The following SPMIP4 variants were observed in gnomAD, a reference collection of about 807,000 sequenced individuals.
SPMIP4 encodes the protein sperm microtubule inner protein 4.
At chr7:25,162,749 G>T in the SPMIP4 span, among the ~76,000 whole-genome samples, 1 of 147,636 alleles carries the variant, frequency 6.8e-6, no homozygotes, top group Non-Finnish European at 1.5e-5. Flanking sequence ...GACCCACTTA[G>T]GATTTGGCAT....
chr7:25,140,474 G>T, the SPMIP4 span, among the ~76,000 whole-genome samples: 2 of 152,176 alleles, frequency 1.3e-5, no homozygotes, highest in Admixed American at 6.5e-5. Flanking sequence ...GTTAATTTTT[G>T]TATTTTTAGT....
chr7:25,153,663 G>T, the SPMIP4 span, among the ~76,000 whole-genome samples: 1 of 152,248 alleles, frequency 6.6e-6, no homozygotes, highest in East Asian at 1.9e-4. Flanking sequence ...CTGAATTCAG[G>T]ATTGAGAAAA....
At chr7:25,176,330 A>G in the SPMIP4 span, among the ~76,000 whole-genome samples, 213 of 152,310 alleles carry the variant, frequency 1.4e-3, no homozygotes, top group African/African-American at 5.1e-3. This position sits in a 1 kb window ranked among gnomAD's most constrained non-coding sequence, Gnocchi z 4.4. Flanking sequence ...AAAACCTCAC[A>G]TTGCTGTTTT....
the SPMIP4 span, among the ~76,000 whole-genome samples, chr7:25,170,261 A>G: frequency 6.6e-6 from 1 of 152,176 alleles, no homozygotes; most frequent in East Asian, 1.9e-4. Context: ...AGTGGTATCT[A>G]ATTGTAGTTT....
the SPMIP4 span, chr7:25,134,692 T>G: frequency 2.0e-6 from 2 of 985,756 alleles, no homozygotes; most frequent in Non-Finnish European, 2.4e-6. Flanking sequence ...AAACCTCAAA[T>G]TTTTATACTG....
At chr7:25,138,966 G>T in the SPMIP4 span, among the ~76,000 whole-genome samples, 2 of 152,176 alleles carry the variant, frequency 1.3e-5, no homozygotes, top group Non-Finnish European at 2.9e-5. This position sits in a 1 kb window ranked among gnomAD's most constrained non-coding sequence, Gnocchi z 6.2. Flanking sequence ...TGTATTTAAA[G>T]TGCTATTAAT....
the SPMIP4 span, among the ~76,000 whole-genome samples, chr7:25,140,656 T>G: frequency 6.6e-6 from 1 of 150,636 alleles, no homozygotes; most frequent in African/African-American, 2.5e-5. Flanking sequence ...GATCTTGGCT[T>G]GCTGCAACCT....
chr7:25,129,345 C>T, the SPMIP4 span, among the ~76,000 whole-genome samples: 1 of 152,220 alleles, frequency 6.6e-6, no homozygotes, highest in African/African-American at 2.4e-5. Flanking sequence ...CTAGCTAGGG[C>T]TCATCTACAT....
the SPMIP4 span, among the ~76,000 whole-genome samples, chr7:25,153,563 C>CAAAAA: frequency 5.0e-5 from 7 of 140,934 alleles, no homozygotes; most frequent in African/African-American, 1.8e-4. Flanking sequence ...GACTCCGTCT[C>CAAAAA]AAAAAAAAAA....
chr7:25,140,290 C>A, the SPMIP4 span, among the ~76,000 whole-genome samples: 17 of 152,016 alleles, frequency 1.1e-4, no homozygotes, highest in Admixed American at 3.9e-4. Context: ...ATGTTCAGCT[C>A]AGTTTTTATT....
At chr7:25,136,972 C>G in the SPMIP4 span, among the ~76,000 whole-genome samples, 1 of 152,156 alleles carries the variant, frequency 6.6e-6, no homozygotes, top group Non-Finnish European at 1.5e-5. This position sits in a 1 kb window ranked among gnomAD's most constrained non-coding sequence, Gnocchi z 5.7. Flanking sequence ...ATACATTTTC[C>G]TCCTTTACTG....
chr7:25,130,586 T>TTA, the SPMIP4 span, among the ~76,000 whole-genome samples: 1 of 152,148 alleles, frequency 6.6e-6, no homozygotes. Context: ...AGTGCTGGGA[T>TTA]TATAGGTGTG....
At chr7:25,136,748 C>T in the SPMIP4 span, 1 of 1,614,036 alleles carries the variant, frequency 6.2e-7, no homozygotes, top group Non-Finnish European at 8.5e-7. This position sits in a 1 kb window ranked among gnomAD's most constrained non-coding sequence, Gnocchi z 5.7. Context: ...GCAATTCGTC[C>T]TTCCAACGGT....
chr7:25,152,049 C>T, the SPMIP4 span, among the ~76,000 whole-genome samples: 1 of 152,158 alleles, frequency 6.6e-6, no homozygotes, highest in Non-Finnish European at 1.5e-5. Context: ...GTGAATGAGT[C>T]TTTAACCCTA....
At chr7:25,136,607 G>A in the SPMIP4 span, 448 of 1,614,122 alleles carry the variant, frequency 2.8e-4, 1 homozygote, top group African/African-American at 5.4e-3. This position sits in a 1 kb window ranked among gnomAD's most constrained non-coding sequence, Gnocchi z 5.7. Context: ...TTATCACTAA[G>A]TGCCACCATT....
the SPMIP4 span, chr7:25,136,753 A>C: frequency 6.2e-7 from 1 of 1,614,110 alleles, no homozygotes; most frequent in South Asian, 1.1e-5. This position sits in a 1 kb window ranked among gnomAD's most constrained non-coding sequence, Gnocchi z 5.7. Context: ...TCGTCCTTCC[A>C]ACGGTCTGGG....
chr7:25,147,616 A>G, the SPMIP4 span, among the ~76,000 whole-genome samples: 1 of 152,306 alleles, frequency 6.6e-6, no homozygotes, highest in African/African-American at 2.4e-5. Flanking sequence ...CATTTAACAC[A>G]CTGTTAACAT....
chr7:25,134,431 T>C, the SPMIP4 span, among the ~76,000 whole-genome samples: 1 of 151,432 alleles, frequency 6.6e-6, no homozygotes, highest in African/African-American at 2.4e-5. Flanking sequence ...TGGAGTTTGG[T>C]ATTTTCTGTC....
the SPMIP4 span, among the ~76,000 whole-genome samples, chr7:25,159,931 C>T: frequency 6.6e-6 from 1 of 151,432 alleles, no homozygotes; most frequent in Non-Finnish European, 1.5e-5. Context: ...ACAAATTCCA[C>T]TACAATATTG....
Sources: allele counts gnomAD v4.1 joint callset (sites outside exome capture counted in the v4.1 genomes callset), GRCh38; gene constraint gnomAD v4.1.1; non-coding constraint Gnocchi (gnomAD v3.1); transcripts MANE v1.5; gene names NCBI Gene and HGNC (gene_info 2026-07-23, HGNC 2026-07-21).